Variants in RBL2 observed in about 807,000 individuals in gnomAD.
RBL2 encodes retinoblastoma-like protein 2.
In RBL2, 56 loss-of-function variants were observed where a neutral mutation model predicts 126.0. The observed-to-expected ratio is 0.44, with a 90% CI of 0.36 to 0.56. The LOEUF (loss-of-function observed/expected upper bound fraction) is 0.56, where lower values mean the gene tolerates loss of function less well. RBL2 is among the 20% of genes least tolerant of loss of function. The pLI is 0.00. For synonymous variants in RBL2, 454 were observed against 478.5 expected, an observed-to-expected ratio of 0.95 and a Z score of 0.67; for missense variants, 1,229 against 1,398.2, an observed-to-expected ratio of 0.88 and a Z score of 1.93.
intron 17 of RBL2, among the ~76,000 whole-genome samples, chr16:53,477,788 T>C (rs1340205816): frequency 1.3e-5 from 2 of 151,030 alleles, no homozygotes; most frequent in Admixed American, 1.3e-4. Flanking sequence ...ATGGGTACAT[T>C]ATATATATAT....
At chr16:53,475,835 CTTTTTTTTTTT>C (rs10540773) in intron 17 of RBL2, among the ~76,000 whole-genome samples, 10 of 76,424 alleles carry the variant, frequency 1.3e-4, no homozygotes, top group African/African-American at 3.2e-4. Flanking sequence ...ATTTCAATAT[CTTTTTTTTTTT>C]TTTTTTTTTT....
intron 14 of RBL2, 36 bp downstream of exon 14, chr16:53,467,205 T>A (rs1417628142): frequency 2.0e-6 from 3 of 1,520,942 alleles, no homozygotes; most frequent in Middle Eastern, 1.7e-4. Flanking sequence ...TTTTGGGGCT[T>A]ACTATCTGGA....
Position 53,462,545 on chromosome 16 carries a change from T to C in RBL2, c.1457-7T>C. The C allele has an allele frequency of 6.7e-7, 1 of 1,501,498 alleles. No individual in the cohort carries two copies. Among genetic ancestry groups the C allele is most frequent in the Non-Finnish European group, 9.0e-7 (1 of 1,113,838 alleles). The allele number at this position is 1,501,498 out of a possible 1,614,324, so 93.0% of individuals were successfully genotyped here. On this transcript the variant is annotated splice_region_variant and splice_polypyrimidine_tract_variant and intron_variant, in intron 10 of 21. Transcript: ENST00000262133. ...TTGTGGGGTTTTTTTTTTTATTATT[T>C]CTACAGAAATTGCCAGCAAACATTT...
chr16:53,437,536 T>G (rs750809196), intron 1 of RBL2, among the ~76,000 whole-genome samples: 8 of 152,192 alleles, frequency 5.3e-5, no homozygotes, highest in Non-Finnish European at 8.8e-5. Context: ...GTGACGATCT[T>G]TTACAAACAA....
At chr16:53,469,337 A>G (rs1156775429) in intron 14 of RBL2, among the ~76,000 whole-genome samples, 1 of 152,260 alleles carries the variant, frequency 6.6e-6, no homozygotes, top group East Asian at 1.9e-4. Context: ...AATTATGCTT[A>G]ACTGAATCCA....
In RBL2 at chr16:53,491,305, ATTGG is replaced by A. The variant is rs1014028696; in HGVS notation, c.*1010_*1013del. 3.3e-5 allele frequency: 5 copies of A among 152,190 alleles called. No homozygotes were observed. The highest frequency in any genetic ancestry group is 2.0e-4 in the Admixed American group (3 of 15,286). The allele number at this position is 152,190 out of a possible 1,614,324, so 9.4% of individuals were successfully genotyped here. ...TGGGTGTTCCTGGCAGTTTAAAAAA[ATTGG>A]TTGGAGAATTTAGGTTTTTATTAGT... is the stretch of plus-strand genomic sequence containing the variant. On this transcript the variant is annotated 3_prime_UTR_variant, in exon 22 of 22. Coordinates refer to ENST00000262133, the MANE Select transcript of RBL2 (RefSeq NM_005611.4).
chr16:53,480,710 TACA>T lies in RBL2; in HGVS notation c.3032_3034del (p.Asn1011del). ...GGAGAGGGGAGACCTCATTCAGTTC[TACA>T]ACAACATCTACATCAAACAGATTAA... On this transcript the variant is annotated inframe_deletion, in exon 20 of 22. Coordinates refer to ENST00000262133, the MANE Select transcript of RBL2 (RefSeq NM_005611.4). 3.1e-6 allele frequency: 5 copies of T among 1,613,674 alleles called. No individual in the cohort carries two copies. The highest frequency in any genetic ancestry group is 2.2e-5 in the East Asian group (1 of 44,880).
chr16:53,480,805 C>T (rs1284325195), intron 20 of RBL2, 36 bp downstream of exon 20: 3 of 1,570,384 alleles, frequency 1.9e-6, no homozygotes, highest in Non-Finnish European at 2.6e-6. Flanking sequence ...ACTTTTTTCA[C>T]TCATGAGTGT....
intron 4 of RBL2, among the ~76,000 whole-genome samples, chr16:53,447,520 C>G (rs1339455975): frequency 6.6e-6 from 1 of 152,072 alleles, no homozygotes; most frequent in East Asian, 1.9e-4. Flanking sequence ...GATAAGTATA[C>G]TTAGTCAAAT....
Position 53,470,523 on chromosome 16 carries a change from G to A in RBL2, c.2386G>A (p.Gly796Arg). ...AGSLSSQQVT[G>R]TTLQVPGQVA... Reference sequence around the variant, plus strand: ...AAGTCTGAGCTCTCAACAGGTGACAGGAACAACTTTGCAAGTCCCTGGTCA... The same window carrying A: ...AAGTCTGAGCTCTCAACAGGTGACAAGAACAACTTTGCAAGTCCCTGGTCA... Residue 796 changes from glycine (G) to arginine (R), a missense_variant, in exon 16 of 22, where the codon GGA becomes AGA. Physicochemically the swap from Gly to Arg is moderately radical, Grantham distance 125. This residue lies in a region of RBL2 where 1,070 missense variants were observed against 1,274.3 expected (regional missense o/e 0.84). Transcript: ENST00000262133. 6.2e-7 allele frequency: 1 copy of A among 1,614,160 alleles called. No homozygotes were observed. The highest frequency in any genetic ancestry group is 2.2e-5 in the East Asian group (1 of 44,874).
At chr16:53,436,961 G>T (rs921443151) in intron 1 of RBL2, among the ~76,000 whole-genome samples, 11 of 152,050 alleles carry the variant, frequency 7.2e-5, no homozygotes, top group African/African-American at 2.2e-4. Context: ...AGAGCTTCGC[G>T]CTCCATTTTG....
chr16:53,434,715 C>T lies in RBL2; in HGVS notation c.159C>T (p.Cys53=). 6.4e-7 allele frequency: 1 copy of T among 1,558,854 alleles called. No homozygotes were observed. Residue 53 remains cysteine, a synonymous_variant, in exon 1 of 22, where the codon TGC becomes TGT. Transcript: ENST00000262133. ...TCCAGCAGCGGTTCGACGAGCTGTG[C>T]AGCCGCCTCAACATGGACGAGGCGG... ...PQIQQRFDEL[C]SRLNMDEAAR...
chr16:53,461,697 T>G (rs2058222807), intron 9 of RBL2, 44 bp from the exon 10 acceptor site: 1 of 1,400,502 alleles, frequency 7.1e-7, no homozygotes, highest in African/African-American at 1.5e-5. Context: ...CCTTGTGACT[T>G]GACAAGACCT....
At chr16:53,477,283 A>G (rs1341040370) in intron 17 of RBL2, among the ~76,000 whole-genome samples, 1 of 152,220 alleles carries the variant, frequency 6.6e-6, no homozygotes, top group Non-Finnish European at 1.5e-5. Context: ...AAAGGAGTGT[A>G]AGTATGTATT....
chr16:53,435,636 C>G lies in RBL2; in HGVS notation c.240+840C>G, dbSNP rs895988431. ...TACGGATTGTTTATCAGCTGTTTGA[C>G]TGTGTGTGTGGCATTTAAACCTGAG... On this transcript the variant is annotated intron_variant, in intron 1 of 21. Transcript: ENST00000262133. 3.1e-6 allele frequency: 4 copies of G among 1,284,118 alleles called. No homozygotes were observed. In the Admixed American group the frequency reaches 9.4e-5, roughly 30 times the overall value. 79.5% of individuals were successfully genotyped at this position (1,284,118 alleles called of 1,614,324 possible).
chr16:53,442,782 T>C lies in RBL2; in HGVS notation c.496T>C (p.Tyr166His), dbSNP rs2058028355. ...FTVSAVIFKK[Y>H]EPIFQDIFKY... ...TGTTTCTGCTGTAATTTTTAAGAAA[T>C]ATGAACCCATTTTTCAGGACATCTT... Residue 166 changes from tyrosine (Y) to histidine (H), a missense_variant, in exon 3 of 22, where the codon TAT becomes CAT. By Grantham distance (83) the Tyr-to-His change is moderately conservative. Around this residue, in one of 2 missense-constraint regions of RBL2, gnomAD observed 1,070 missense variants for 1,274.3 expected, o/e 0.84. Transcript: ENST00000262133. 5.6e-6 allele frequency: 9 copies of C among 1,613,280 alleles called. No homozygotes were observed. The highest frequency in any genetic ancestry group is 7.6e-6 in the Non-Finnish European group (9 of 1,179,374).
At chr16:53,452,526 G>T (rs934425621) in intron 5 of RBL2, among the ~76,000 whole-genome samples, 2 of 152,034 alleles carry the variant, frequency 1.3e-5, no homozygotes, top group African/African-American at 4.8e-5. Context: ...TAAAATTAGT[G>T]GAGTTCAGTT....
chr16:53,442,434 T>C (rs979023117), intron 2 of RBL2, among the ~76,000 whole-genome samples: 3 of 152,218 alleles, frequency 2.0e-5, no homozygotes, highest in African/African-American at 7.2e-5. Context: ...ATTTCATAGT[T>C]AACAAATACT....
At chr16:53,486,492 A>T (rs1204739704) in intron 21 of RBL2, among the ~76,000 whole-genome samples, 3 of 152,328 alleles carry the variant, frequency 2.0e-5, no homozygotes, top group Non-Finnish European at 4.4e-5. Flanking sequence ...GCTACCAAAC[A>T]TTTAAGGAAG....
Sources: allele counts gnomAD v4.1 joint callset (sites outside exome capture counted in the v4.1 genomes callset), GRCh38; gene constraint gnomAD v4.1.1; regional missense constraint gnomAD v4.1.1; transcripts MANE v1.5; gene names NCBI Gene and HGNC (gene_info 2026-07-23, HGNC 2026-07-21).